The following IVL variants were observed in gnomAD, a reference collection of about 807,000 sequenced individuals.
IVL encodes the protein involucrin.
For synonymous variants in IVL, 257 were observed against 271.0 expected (o/e 0.95, Z 0.51); for missense variants, 722 against 624.9 (o/e 1.16, Z -1.66).
In IVL at chr1:152,911,534, G is replaced by A; in HGVS notation, c.1737G>A (p.Gln579=). The A allele has an allele frequency of 6.2e-7, 1 of 1,612,512 alleles. No homozygotes were observed. The highest frequency in any genetic ancestry group is 8.5e-7 in the Non-Finnish European group (1 of 1,179,154). ...ACCAGCAGCAGAAGCAGGAGGTGCA[G>A]TGGCCACCCAAACATAAATAACCAC... ...VEHQQQKQEV[Q]WPPKHK is the part of the protein sequence containing the mutation. Residue 579 remains glutamine, a synonymous_variant, in exon 2 of 2, where the codon CAG becomes CAA. Coordinates refer to ENST00000368764, the MANE Select transcript of IVL (RefSeq NM_005547.4).
Position 152,910,179 on chromosome 1 carries a change from A to T in IVL, c.382A>T (p.Lys128Ter). The change falls in exon 2 of 2, where the codon AAG becomes TAG. Residue 128 changes from lysine to a stop codon, truncating the protein, a stop_gained. Transcript: ENST00000368764. LOFTEE classifies it low-confidence loss of function (END_TRUNC). ...QLNKQLEEEK[K>*]LLDQQLDQEL... ...AAACAAACAGCTGGAAGAAGAGAAG[A>T]AGCTCTTAGACCAGCAACTGGATCA... 6.2e-7 allele frequency: 1 copy of T among 1,614,150 alleles called. No individual in the cohort carries two copies. Among genetic ancestry groups the T allele is most frequent in the Non-Finnish European group, 8.5e-7 (1 of 1,180,016 alleles).
chr1:152,911,490 G>C lies in IVL; in HGVS notation c.1693G>C (p.Val565Leu). 6.2e-7 allele frequency: 1 copy of C among 1,614,166 alleles called. No homozygotes were observed. Residue 565 changes from valine to leucine, a missense_variant, in exon 2 of 2, where the codon GTA (valine) becomes CTA (leucine). Physicochemically the swap from Val to Leu is conservative, Grantham distance 32 (BLOSUM62 1). Transcript: ENST00000368764. ...ACCAGCCCTGCCCACAAAGGGAGAAGTATTGCTTCCTGTAGAGCACCAGCA... is the reference window on the plus strand; with the variant it reads ...ACCAGCCCTGCCCACAAAGGGAGAACTATTGCTTCCTGTAGAGCACCAGCA... ...IQPALPTKGE[V>L]LLPVEHQQQK...
chr1:152,909,923 C>T lies in IVL; in HGVS notation c.126C>T (p.Pro42=). 1 of 1,614,216 alleles carries T rather than the reference C, an allele frequency of 6.2e-7. No individual in the cohort carries two copies. Among genetic ancestry groups the T allele is most frequent in the Non-Finnish European group, 8.5e-7 (1 of 1,180,052 alleles). ...TGAAACAGCCAACTCCACTGCCTCCCCCATGCCAGAAGGTGCCTGTCGAGC... is the reference window on the plus strand; with the variant it reads ...TGAAACAGCCAACTCCACTGCCTCCTCCATGCCAGAAGGTGCCTGTCGAGC... ...EQMKQPTPLP[P]PCQKVPVELP... is the part of the protein sequence containing the mutation. Residue 42 remains proline (P), a synonymous_variant, in exon 2 of 2, where the codon CCC becomes CCT. Transcript: ENST00000368764.
Position 152,911,133 on chromosome 1 carries a change from C to A in IVL, c.1336C>A (p.Gln446Lys). ...GGGACAACTGAAGCATCTGGAGCAG[C>A]AGCAGGGGCAGTTGGAGGTCCCAGA... Reference protein sequence around the residue: ...QEGQLKHLEQQQGQLEVPEQQ... With the variant: ...QEGQLKHLEQKQGQLEVPEQQ... The change falls in exon 2 of 2, where the codon CAG (glutamine) becomes AAG (lysine). Residue 446 changes from glutamine to lysine, a missense_variant. Transcript: ENST00000368764. 1 of 1,556,708 alleles carries A rather than the reference C, an allele frequency of 6.4e-7. No individual in the cohort carries two copies. Among genetic ancestry groups the A allele is most frequent in the East Asian group, 2.4e-5 (1 of 41,888 alleles).
chr1:152,908,910 C>T (rs1387014478), intron 1 of IVL, among the ~76,000 whole-genome samples: 1 of 152,158 alleles, frequency 6.6e-6, no homozygotes, highest in African/African-American at 2.4e-5. Context: ...GACAGACCAT[C>T]ATTTTGCCTT....
intron 1 of IVL, among the ~76,000 whole-genome samples, chr1:152,908,982 T>C (rs1649852373): frequency 6.6e-6 from 1 of 152,134 alleles, no homozygotes; most frequent in Non-Finnish European, 1.5e-5. Flanking sequence ...CACAGAGGGA[T>C]GGCAGAATGG....
At chr1:152,909,020 G>A (rs182629945) in intron 1 of IVL, among the ~76,000 whole-genome samples, 11 of 152,242 alleles carry the variant, frequency 7.2e-5, no homozygotes, top group Admixed American at 4.6e-4. Flanking sequence ...GAGAAACCTA[G>A]GCAGAGCTGG....
chr1:152,909,485 G>A (rs1454507568), intron 1 of IVL, among the ~76,000 whole-genome samples: 1 of 152,202 alleles, frequency 6.6e-6, no homozygotes, highest in Non-Finnish European at 1.5e-5. Flanking sequence ...CTAGACAAGA[G>A]CAGACAGTGA....
At position 152,910,331 on chromosome 1, in the gene IVL, GCA is replaced by G. The variant is rs1649913313; in HGVS notation, c.535_536del (p.Gln179GlyfsTer68). ...QEGQLKHPEQ[Q>X]EGQLELPEQQ... is the part of the protein sequence containing the mutation. ...AGGGACAGCTGAAGCACCCGGAGCA[GCA>G]GGAGGGGCAGCTGGAGCTCCCAGAG... is the stretch of plus-strand genomic sequence containing the variant. On this transcript the variant is annotated frameshift_variant, in exon 2 of 2. Transcript: ENST00000368764. LOFTEE classifies it low-confidence loss of function (END_TRUNC). The G allele has an allele frequency of 6.4e-7, 1 of 1,573,470 alleles. No individual in the cohort carries two copies. The highest frequency in any genetic ancestry group is 1.4e-5 in the African/African-American group (1 of 73,752).
At chr1:152,908,726 TCGAGTCA>T (rs1649841776) in intron 1 of IVL, 137 bp downstream of exon 1, 1 of 152,340 alleles carries the variant, frequency 6.6e-6, no homozygotes, top group African/African-American at 2.4e-5. Context: ...CTAGGGGGAC[TCGAGTCA>T]GAGTACTGAG....
Position 152,911,168 on chromosome 1 carries a change from G to T in IVL, c.1371G>T (p.Val457=), listed in dbSNP as rs1482171416. ...QGQLEVPEQQ[V]GQPKNLEQEE... is the part of the protein sequence containing the mutation. ...AGTTGGAGGTCCCAGAGCAGCAGGTGGGGCAGCCAAAGAACCTGGAGCAGG... is the reference window on the plus strand; with the variant it reads ...AGTTGGAGGTCCCAGAGCAGCAGGTTGGGCAGCCAAAGAACCTGGAGCAGG... Residue 457 remains valine (V), a synonymous_variant, in exon 2 of 2, where the codon GTG becomes GTT. Coordinates refer to ENST00000368764, the MANE Select transcript of IVL (RefSeq NM_005547.4). 6.4e-7 allele frequency: 1 copy of T among 1,558,748 alleles called. No individual in the cohort carries two copies.
Position 152,910,130 on chromosome 1 carries a change from G to A in IVL, c.333G>A (p.Glu111=). The part of the protein sequence containing the change: ...AENPEQQLKQ[E]KTQRDQQLNK... Reference sequence around the variant, plus strand: ...ACCCAGAGCAGCAGCTTAAGCAGGAGAAAACACAAAGGGATCAGCAGCTAA... The same window carrying A: ...ACCCAGAGCAGCAGCTTAAGCAGGAAAAAACACAAAGGGATCAGCAGCTAA... Residue 111 remains glutamate, a synonymous_variant, in exon 2 of 2, where the codon GAG becomes GAA. Coordinates refer to ENST00000368764, the MANE Select transcript of IVL (RefSeq NM_005547.4). 1 of 1,614,166 alleles carries A rather than the reference G, an allele frequency of 6.2e-7. No individual in the cohort carries two copies.
chr1:152,911,290 G>C lies in IVL; in HGVS notation c.1493G>C (p.Gly498Ala). 1.9e-6 allele frequency: 3 copies of C among 1,564,842 alleles called. No individual in the cohort carries two copies. In the South Asian group the frequency reaches 3.5e-5, roughly 18 times the overall value. ...CTGGAGCTCCCAGAGCAGCAGGTAG[G>C]ACAGCCAAAGCACCTGGAACAGCAG... ...AQLELPEQQV[G>A]QPKHLEQQEK... The change falls in exon 2 of 2, where the codon GGA (glycine) becomes GCA (alanine). Residue 498 changes from glycine (G) to alanine (A), a missense_variant. Coordinates refer to ENST00000368764, the MANE Select transcript of IVL (RefSeq NM_005547.4).
chr1:152,911,011 A>G lies in IVL; in HGVS notation c.1214A>G (p.His405Arg), dbSNP rs368432151. 1.5e-5 allele frequency: 24 copies of G among 1,550,318 alleles called. No homozygotes were observed. The African/African-American group carries it at 3.2e-4, about 20-fold the overall frequency. The change falls in exon 2 of 2, where the codon CAT becomes CGT. Residue 405 changes from histidine (H) to arginine (R), a missense_variant. By Grantham distance (29) the His-to-Arg change is conservative. Transcript: ENST00000368764. ...HLVQQEGQLK[H>R]LVQQEGQLEQ... ...GTGCAGCAGGAGGGGCAGCTGAAGC[A>G]TCTGGTGCAGCAGGAGGGGCAGCTG...
rs371220876 is a variant in IVL, at chr1:152,911,604, G to A, written c.*49G>A. The A allele has an allele frequency of 2.6e-6, 4 of 1,522,676 alleles. No individual in the cohort carries two copies. The highest frequency in any genetic ancestry group is 1.4e-5 in the African/African-American group (1 of 72,132). 94.3% of individuals were successfully genotyped at this position (1,522,676 alleles called of 1,614,324 possible). A position where few individuals can be genotyped will look rare whatever the true frequency, so the allele number is the denominator to read the frequency against. ...TCAGATCGTCTCATACAAGGGAAGA[G>A]AGAGCCACTGGCTCCACTTATTTCG... On this transcript the variant is annotated 3_prime_UTR_variant, in exon 2 of 2. Coordinates refer to ENST00000368764, the MANE Select transcript of IVL (RefSeq NM_005547.4).
Position 152,910,320 on chromosome 1 carries a change from C to T in IVL, c.523C>T (p.His175Tyr), listed in dbSNP as rs1245072465. Residue 175 changes from histidine to tyrosine, a missense_variant, in exon 2 of 2, where the codon CAC becomes TAC. His to Tyr is a moderately conservative substitution (Grantham distance 83). Coordinates refer to ENST00000368764, the MANE Select transcript of IVL (RefSeq NM_005547.4). ...AGAGCAGCAGGAGGGACAGCTGAAG[C>T]ACCCGGAGCAGCAGGAGGGGCAGCT... ...HLEQQEGQLK[H>Y]PEQQEGQLEL... 5.7e-6 allele frequency: 9 copies of T among 1,584,058 alleles called. No individual in the cohort carries two copies. Among genetic ancestry groups the T allele is most frequent in the Non-Finnish European group, 6.9e-6 (8 of 1,160,808 alleles).
Position 152,910,754 on chromosome 1 carries a change from G to C in IVL, c.957G>C (p.Gln319His). ...GGCAGCTGAAGCACCTGGAGCAGCA[G>C]GAGGGGCAGCCTAAGCATCTGGAGC... ...QMGQLKHLEQ[Q>H]EGQPKHLEQQ... is the part of the protein sequence containing the mutation. The change falls in exon 2 of 2, where the codon CAG (glutamine) becomes CAC (histidine). Residue 319 changes from glutamine (Q) to histidine (H), a missense_variant. Physicochemically the swap from Gln to His is conservative, Grantham distance 24. Coordinates refer to ENST00000368764, the MANE Select transcript of IVL (RefSeq NM_005547.4). 1 of 1,551,030 alleles carries C rather than the reference G, an allele frequency of 6.4e-7. No individual in the cohort carries two copies. The highest frequency in any genetic ancestry group is 8.7e-7 in the Non-Finnish European group (1 of 1,146,892).
chr1:152,911,029 G>T lies in IVL; in HGVS notation c.1232G>T (p.Gly411Val), dbSNP rs1368534018. ...GQLKHLVQQE[G>V]QLEQQERQVE... Reference sequence around the variant, plus strand: ...CTGAAGCATCTGGTGCAGCAGGAGGGGCAGCTGGAGCAGCAGGAGAGGCAG... The same window carrying T: ...CTGAAGCATCTGGTGCAGCAGGAGGTGCAGCTGGAGCAGCAGGAGAGGCAG... Residue 411 changes from glycine (G) to valine (V), a missense_variant, in exon 2 of 2, where the codon GGG (glycine) becomes GTG (valine). By Grantham distance (109) the Gly-to-Val change is moderately radical. Transcript: ENST00000368764. 1 of 1,540,542 alleles carries T rather than the reference G, an allele frequency of 6.5e-7. No homozygotes were observed. Among genetic ancestry groups the T allele is most frequent in the Non-Finnish European group, 8.7e-7 (1 of 1,143,660 alleles).
In IVL at chr1:152,910,884, C is replaced by T. The variant is rs986628697; in HGVS notation, c.1087C>T (p.Leu363=). The T allele has an allele frequency of 9.1e-5, 141 of 1,550,748 alleles. No individual in the cohort carries two copies. The highest frequency in any genetic ancestry group is 1.2e-4 in the Non-Finnish European group (138 of 1,146,956). The change falls in exon 2 of 2, where the codon CTG becomes TTG. Residue 363 remains leucine, a synonymous_variant. Coordinates refer to ENST00000368764, the MANE Select transcript of IVL (RefSeq NM_005547.4). ...GCACCTGGAGCACCAGGAAGGGCAG[C>T]TGGGGCTCCCAGAGCAGCAGGTGCT... The part of the protein sequence containing the change: ...LEHLEHQEGQ[L]GLPEQQVLQL...
Sources: gnomAD v4.1 joint callset for allele counts (sites outside exome capture counted in the v4.1 genomes callset) on GRCh38, gnomAD v4.1.1 for gene constraint, MANE v1.5 for transcripts, NCBI Gene and HGNC (gene_info 2026-07-23, HGNC 2026-07-21) for gene names.